Variants in GABBR2 observed in about 807,000 individuals in gnomAD.
GABBR2 encodes the protein gamma-aminobutyric acid type B receptor subunit 2.
GABBR2 carries 23 observed loss-of-function variants against 105.6 expected under a neutral mutation model. The ratio of observed to expected loss-of-function variants is 0.22; its 90% CI spans 0.16 to 0.31. The LOEUF (loss-of-function observed/expected upper bound fraction) is 0.31, where lower values mean the gene tolerates loss of function less well. Ranked by LOEUF, GABBR2 falls within the 10% of genes least tolerant of loss-of-function variation. The probability of loss-of-function intolerance (pLI) is 1.00; values close to 1 mark genes in which losing one functional copy is unlikely to be tolerated. For synonymous variants in GABBR2, 478 were observed against 499.7 expected, an observed-to-expected ratio of 0.96 and a Z score of 0.58; for missense variants, 734 against 1,245.5, an observed-to-expected ratio of 0.59 and a Z score of 6.18.
intron 1 of GABBR2, among the ~76,000 whole-genome samples, chr9:98,691,397 C>G (rs905080213): frequency 6.6e-6 from 1 of 152,158 alleles, no homozygotes; most frequent in Non-Finnish European, 1.5e-5. Context: ...GGTTTAACTC[C>G]AAGTCAGCCT....
intron 1 of GABBR2, among the ~76,000 whole-genome samples, chr9:98,655,778 T>C (rs1398568194): frequency 6.6e-6 from 1 of 151,524 alleles, no homozygotes; most frequent in Non-Finnish European, 1.5e-5. Flanking sequence ...TAAGTGGGAG[T>C]TGAACAATGA....
chr9:98,423,393 T>C (rs1832818985), intron 7 of GABBR2, among the ~76,000 whole-genome samples: 1 of 152,262 alleles, frequency 6.6e-6, no homozygotes, highest in Admixed American at 6.5e-5. Flanking sequence ...TGTCTTTGGC[T>C]GCATAAATGT....
At chr9:98,563,075 A>G (rs1828699752) in intron 2 of GABBR2, among the ~76,000 whole-genome samples, 1 of 142,488 alleles carries the variant, frequency 7.0e-6, no homozygotes, top group African/African-American at 2.9e-5. Flanking sequence ...GTCCAAAAAA[A>G]AAAAAAAAAA....
intron 1 of GABBR2, among the ~76,000 whole-genome samples, chr9:98,704,447 T>C (rs1306060831): frequency 2.6e-5 from 4 of 152,034 alleles, no homozygotes; most frequent in Admixed American, 6.6e-5. Context: ...GGTCCAACAA[T>C]AGGGGAATGA....
At chr9:98,471,141 C>T (rs1037108442) in intron 6 of GABBR2, among the ~76,000 whole-genome samples, 4 of 152,142 alleles carry the variant, frequency 2.6e-5, no homozygotes, top group East Asian at 1.9e-4. Flanking sequence ...TTCCAAGAAG[C>T]GAAGAGGCTT....
chr9:98,324,401 G>A (rs771274167), intron 13 of GABBR2, among the ~76,000 whole-genome samples: 1 of 152,020 alleles, frequency 6.6e-6, no homozygotes, highest in Non-Finnish European at 1.5e-5. Context: ...CCTGAGCCCC[G>A]GGTTCTCCTC....
At chr9:98,290,987 G>A (rs1191913467) in intron 18 of GABBR2, among the ~76,000 whole-genome samples, 1 of 152,154 alleles carries the variant, frequency 6.6e-6, no homozygotes, top group African/African-American at 2.4e-5. Context: ...CAAGGGAGAT[G>A]AATTTTCTCG....
chr9:98,530,647 C>T (rs1024925345), intron 3 of GABBR2, among the ~76,000 whole-genome samples: 2 of 152,106 alleles, frequency 1.3e-5, no homozygotes, highest in African/African-American at 2.4e-5. Context: ...TAACCAGGCG[C>T]GGTGGCGTGT....
At chr9:98,318,698 C>T (rs966279433) in intron 13 of GABBR2, among the ~76,000 whole-genome samples, 2 of 152,202 alleles carry the variant, frequency 1.3e-5, no homozygotes, top group Admixed American at 6.5e-5. Flanking sequence ...CCGGCCCGGC[C>T]AGTGCTCCTT....
In GABBR2 at chr9:98,288,432, C is replaced by T. The variant is rs74580577; in HGVS notation, c.*2152G>A. 3,103 of 152,670 alleles carry T rather than the reference C, an allele frequency of 0.02. 49 individuals are homozygous for T. The highest frequency in any genetic ancestry group is 0.033 in the Non-Finnish European group (2,267 of 68,004). The allele number at this position is 152,670 out of a possible 1,614,324, so 9.5% of individuals were successfully genotyped here. ...CTTCGTGAGTTAACCTAGAAGACAGCGCACGCTCAGGAGTCACAAAGGGTT... is the reference window on the plus strand; with the variant it reads ...CTTCGTGAGTTAACCTAGAAGACAGTGCACGCTCAGGAGTCACAAAGGGTT... On this transcript the variant is annotated 3_prime_UTR_variant, in exon 19 of 19. Coordinates refer to ENST00000259455, the MANE Select transcript of GABBR2 (RefSeq NM_005458.8).
intron 4 of GABBR2, among the ~76,000 whole-genome samples, chr9:98,482,251 A>G (rs1826940215): frequency 6.6e-6 from 1 of 152,256 alleles, no homozygotes. Flanking sequence ...CTGAGAGGCC[A>G]TTTTACTCAT....
intron 3 of GABBR2, among the ~76,000 whole-genome samples, chr9:98,535,118 G>A (rs1037351000): frequency 3.9e-5 from 6 of 151,992 alleles, no homozygotes; most frequent in African/African-American, 1.4e-4. Flanking sequence ...GGCACCGGGG[G>A]AACAGAGTCT....
intron 13 of GABBR2, among the ~76,000 whole-genome samples, chr9:98,334,419 C>G (rs1168884851): frequency 6.6e-6 from 1 of 152,190 alleles, no homozygotes; most frequent in South Asian, 2.1e-4. Context: ...AGTTCTCATG[C>G]GTAGCAAGCA....
intron 10 of GABBR2, among the ~76,000 whole-genome samples, chr9:98,386,902 C>A (rs947901854): frequency 6.6e-6 from 1 of 152,154 alleles, no homozygotes; most frequent in Non-Finnish European, 1.5e-5. Flanking sequence ...CTCGGCCACT[C>A]CATAAAAGTG....
chr9:98,427,161 A>G (rs1411919829), intron 7 of GABBR2, among the ~76,000 whole-genome samples: 2 of 152,182 alleles, frequency 1.3e-5, no homozygotes, highest in Non-Finnish European at 1.5e-5. Context: ...TCAGGAGCAG[A>G]CTATGAACAA....
rs529526954 is a variant in GABBR2, at chr9:98,364,548, A to G, written c.1771-1711T>C. On this transcript the variant is annotated intron_variant, in intron 12 of 18. Transcript: ENST00000259455. ...CCAGAATTTTCCTCTTGTAAATGTC[A>G]TAAAGTAAATCCTTCCAATTTAATG... Among the ~76,000 whole-genome samples, 4 of 152,080 alleles carry G rather than the reference A, an allele frequency of 2.6e-5. No individual in the cohort carries two copies. The South Asian group carries it at 8.3e-4, about 32-fold the overall frequency.
chr9:98,495,255 G>C (rs992936582), intron 4 of GABBR2, among the ~76,000 whole-genome samples: 1 of 152,232 alleles, frequency 6.6e-6, no homozygotes, highest in African/African-American at 2.4e-5. Context: ...CCCCTTCTCT[G>C]GGCTTTGGGC....
chr9:98,440,830 C>T (rs1318499666), intron 7 of GABBR2, among the ~76,000 whole-genome samples: 1 of 152,184 alleles, frequency 6.6e-6, no homozygotes, highest in East Asian at 1.9e-4. Context: ...CCATGCCATC[C>T]TGTCGGCTAA....
intron 3 of GABBR2, 66 bp from the exon 4 acceptor site, chr9:98,496,580 G>T: frequency 9.4e-7 from 1 of 1,059,614 alleles, no homozygotes; most frequent in Non-Finnish European, 1.5e-6. Flanking sequence ...GTTCCGAGGG[G>T]TCACCCTGGG....
Sources: allele counts gnomAD v4.1 joint callset (sites outside exome capture counted in the v4.1 genomes callset), GRCh38; gene constraint gnomAD v4.1.1; transcripts MANE v1.5; gene names NCBI Gene and HGNC (gene_info 2026-07-23, HGNC 2026-07-21).